Variants in SPTBN1 observed in about 807,000 individuals in gnomAD.
The protein encoded by SPTBN1 is spectrin beta, non-erythrocytic 1, also known as spectrin beta chain, non-erythrocytic 1.
In SPTBN1, 32 loss-of-function variants were observed where a neutral mutation model predicts 266.4. That is an observed-to-expected ratio of 0.12 (90% CI 0.09 to 0.16). SPTBN1 has a LOEUF of 0.16. Among genes scored for constraint, SPTBN1 ranks in the 10% least tolerant of loss-of-function variants. The pLI, the probability that SPTBN1 is intolerant of heterozygous loss-of-function variation, is 1.00. For synonymous variants in SPTBN1, 1,336 were observed against 1,162.2 expected (o/e 1.15, Z -3.04); for missense variants, 2,296 against 3,067.1 (o/e 0.75, Z 5.94).
In SPTBN1 at chr2:54,667,618, A is replaced by C; in HGVS notation, c.6848A>C (p.Asn2283Thr). The C allele has an allele frequency of 1.2e-6, 2 of 1,614,002 alleles. No homozygotes were observed. The highest frequency in any genetic ancestry group is 1.7e-6 in the Non-Finnish European group (2 of 1,179,870). The change falls in exon 35 of 36, where the codon AAT (asparagine) becomes ACT (threonine). Residue 2283 changes from asparagine (N) to threonine (T), a missense_variant. This residue lies in a region of SPTBN1 where 347 missense variants were observed against 368.5 expected (regional missense o/e 0.94). Transcript: ENST00000356805. Reference protein sequence around the residue: ...HVFKLRLNDGNEYLFQAKDDE... With the variant: ...HVFKLRLNDGTEYLFQAKDDE... ...TGAAATTACAGACTAAATGATGGCAATGAGTACCTCTTCCAAGCCAAAGAC... is the reference window on the plus strand; with the variant it reads ...TGAAATTACAGACTAAATGATGGCACTGAGTACCTCTTCCAAGCCAAAGAC...
intron 17 of SPTBN1, among the ~76,000 whole-genome samples, chr2:54,637,351 G>C (rs1403002733): frequency 6.6e-6 from 1 of 152,096 alleles, no homozygotes; most frequent in African/African-American, 2.4e-5. Flanking sequence ...ACCCAGTTAT[G>C]AGCTTCTTGA....
At position 54,645,976 on chromosome 2, in the gene SPTBN1, C is replaced by G. The variant is rs1238041705; in HGVS notation, c.4543C>G (p.His1515Asp). The G allele has an allele frequency of 6.2e-7, 1 of 1,614,212 alleles. No homozygotes were observed. Among genetic ancestry groups the G allele is most frequent in the Non-Finnish European group, 8.5e-7 (1 of 1,180,048 alleles). The change falls in exon 22 of 36, where the codon CAC becomes GAC. Residue 1515 changes from histidine (H) to aspartate (D), a missense_variant. Coordinates refer to ENST00000356805, the MANE Select transcript of SPTBN1 (RefSeq NM_003128.3). This position sits in a 1 kb window ranked among gnomAD's most constrained non-coding sequence, Gnocchi z 4.3. The stretch of plus-strand genomic sequence containing the variant: ...TTTGGCAACTTCCACGGATCATGGC[C>G]ACAACCTCCAGACTGTGCAGCTGTT... ...MPLATSTDHG[H>D]NLQTVQLLIK...
chr2:54,500,046 T>C (rs1159369491), intron 1 of SPTBN1, among the ~76,000 whole-genome samples: 1 of 152,268 alleles, frequency 6.6e-6, no homozygotes, highest in Non-Finnish European at 1.5e-5. Flanking sequence ...TGTTCATTTC[T>C]TAGGATTTGT....
chr2:54,591,784 G>A (rs6545434), intron 2 of SPTBN1, among the ~76,000 whole-genome samples: 121,241 of 152,184 alleles, frequency 0.8, 49,000 homozygotes, highest in African/African-American at 0.94. Context: ...CCATCATGCA[G>A]TGCCCTTCTG....
intron 2 of SPTBN1, among the ~76,000 whole-genome samples, chr2:54,567,717 A>G (rs1449952510): frequency 2.0e-5 from 3 of 152,142 alleles, no homozygotes; most frequent in Non-Finnish European, 4.4e-5. Flanking sequence ...CTTCTTAAAT[A>G]TAAATATACC....
Position 54,568,975 on chromosome 2 carries a change from A to G in SPTBN1, c.149-30117A>G, listed in dbSNP as rs76325704. On this transcript the variant is annotated intron_variant, in intron 2 of 35. Coordinates refer to ENST00000356805, the MANE Select transcript of SPTBN1 (RefSeq NM_003128.3). ...ACTTCAGTCTAGTTTCATGCACATC[A>G]AACTTACCTAGTGGTGCCTTCAGGT... Among the ~76,000 whole-genome samples, 1,205 of 152,368 alleles carry G rather than the reference A, an allele frequency of 7.9e-3. 14 individuals are homozygous for G. Among genetic ancestry groups the G allele is most frequent in the South Asian group, 0.065 (314 of 4,830 alleles).
At chr2:54,660,298 T>G (rs1680950950) in intron 32 of SPTBN1, 1 of 1,310,202 alleles carries the variant, frequency 7.6e-7, no homozygotes, top group African/African-American at 1.5e-5. Context: ...TTATTTATTG[T>G]GAGCTTTTTA....
At position 54,668,757 on chromosome 2, in the gene SPTBN1, A is replaced by G. The variant is rs1316946431; in HGVS notation, c.*188A>G. The stretch of plus-strand genomic sequence containing the variant: ...CACCTAAACACTTTATCTCCAAGTT[A>G]CAAAAGTTTGAGGTGCAGAGGGAAG... On this transcript the variant is annotated 3_prime_UTR_variant, in exon 36 of 36. Transcript: ENST00000356805. 3.5e-6 allele frequency: 2 copies of G among 576,066 alleles called. No homozygotes were observed. Among genetic ancestry groups the G allele is most frequent in the Non-Finnish European group, 6.0e-6 (2 of 335,890 alleles). The allele number at this position is 576,066 out of a possible 1,614,324, so 35.7% of individuals were successfully genotyped here.
chr2:54,653,496 A>C lies in SPTBN1; in HGVS notation c.5578-113A>C. On this transcript the variant is annotated intron_variant, in intron 26 of 35. Coordinates refer to ENST00000356805, the MANE Select transcript of SPTBN1 (RefSeq NM_003128.3). This position sits in a 1 kb window ranked among gnomAD's most constrained non-coding sequence, Gnocchi z 5.1. ...GAGGGCTCCTTAAGGGGCATGGGCCATATTTTGACTCTGTGCTCCCTTTAG... is the reference window on the plus strand; with the variant it reads ...GAGGGCTCCTTAAGGGGCATGGGCCCTATTTTGACTCTGTGCTCCCTTTAG... 2 of 1,498,728 alleles carry C rather than the reference A, an allele frequency of 1.3e-6. No homozygotes were observed. The highest frequency in any genetic ancestry group is 1.8e-6 in the Non-Finnish European group (2 of 1,129,540). 92.8% of individuals were successfully genotyped at this position (1,498,728 alleles called of 1,614,324 possible).
At chr2:54,587,119 T>A (rs1321689937) in intron 2 of SPTBN1, among the ~76,000 whole-genome samples, 1 of 152,190 alleles carries the variant, frequency 6.6e-6, no homozygotes, top group East Asian at 1.9e-4. Flanking sequence ...GTATATTGCA[T>A]GAAATAAGAA....
At chr2:54,552,824 T>C (rs13423872) in intron 2 of SPTBN1, among the ~76,000 whole-genome samples, 6,995 of 152,300 alleles carry the variant, frequency 0.046, 505 homozygotes, top group African/African-American at 0.15. Context: ...AATGCTTACA[T>C]GGGCGGTACT....
At chr2:54,581,657 A>G (rs560019931) in intron 2 of SPTBN1, among the ~76,000 whole-genome samples, 86 of 145,388 alleles carry the variant, frequency 5.9e-4, no homozygotes, top group African/African-American at 2.1e-3. Flanking sequence ...CCACAGTTTA[A>G]GAAAACTGTC....
chr2:54,664,587 C>T lies in SPTBN1; in HGVS notation c.6555C>T (p.Ala2185=), dbSNP rs138252002. 2.8e-5 allele frequency: 45 copies of T among 1,614,152 alleles called. No individual in the cohort carries two copies. In the African/African-American group the frequency reaches 2.8e-4, roughly 10 times the overall value. ...AGACTGCCCTCCCAGCCCAGAGTGC[C>T]GCCACCTTACCAGCCAGAACCCAGG... ...KAKTALPAQS[A]ATLPARTQET... The change falls in exon 33 of 36, where the codon GCC becomes GCT. Residue 2185 remains alanine (A), a synonymous_variant. Coordinates refer to ENST00000356805, the MANE Select transcript of SPTBN1 (RefSeq NM_003128.3). The surrounding 1 kb of genome is among the most constrained non-coding windows in gnomAD (Gnocchi z 5.6).
At chr2:54,662,250 G>GTGT in intron 32 of SPTBN1, 1 of 985,406 alleles carries the variant, frequency 1.0e-6, no homozygotes, top group Non-Finnish European at 1.2e-6. Flanking sequence ...CTCTAGTGGT[G>GTGT]TGCTGTCTGT....
At chr2:54,616,326 G>A (rs1366964214) in intron 5 of SPTBN1, 28 bp downstream of exon 5, 1 of 1,599,224 alleles carries the variant, frequency 6.3e-7, no homozygotes, top group East Asian at 2.2e-5. Context: ...GGGTATTGGG[G>A]CTGCTTCTTC....
intron 32 of SPTBN1, chr2:54,661,865 C>T (rs924280875): frequency 4.3e-5 from 42 of 985,276 alleles, no homozygotes; most frequent in Non-Finnish European, 4.9e-5. Flanking sequence ...CTATGATGTT[C>T]TTAGCATTTG....
At chr2:54,592,319 C>G (rs1675734180) in intron 2 of SPTBN1, among the ~76,000 whole-genome samples, 1 of 151,722 alleles carries the variant, frequency 6.6e-6, no homozygotes, top group African/African-American at 2.4e-5. Flanking sequence ...ATTCACAGCC[C>G]TTTTTTTTAA....
chr2:54,592,181 T>G (rs1306329672), intron 2 of SPTBN1, among the ~76,000 whole-genome samples: 2 of 152,180 alleles, frequency 1.3e-5, no homozygotes, highest in Non-Finnish European at 2.9e-5. Context: ...ATTGGTTAAT[T>G]AATTTAAAAA....
intron 1 of SPTBN1, among the ~76,000 whole-genome samples, chr2:54,471,708 A>G (rs1693926928): frequency 6.6e-6 from 1 of 152,052 alleles, no homozygotes; most frequent in Non-Finnish European, 1.5e-5. Context: ...AAATAGCTGC[A>G]GGTTAACAAA....
Sources: gnomAD v4.1 joint callset for allele counts (sites outside exome capture counted in the v4.1 genomes callset) on GRCh38, gnomAD v4.1.1 for gene constraint, gnomAD v4.1.1 regional missense constraint, Gnocchi (gnomAD v3.1) non-coding constraint, MANE v1.5 for transcripts, NCBI Gene and HGNC (gene_info 2026-07-23, HGNC 2026-07-21) for gene names.